Variants in BCORL1 observed in about 807,000 individuals in gnomAD.
BCORL1 encodes BCL6 corepressor like 1, also known as BCL-6 corepressor-like protein 1.
Under a neutral mutation model 87.6 loss-of-function variants are expected in BCORL1, and 7 were observed. The ratio of observed to expected loss-of-function variants is 0.08; its 90% CI spans 0.05 to 0.15. BCORL1 has a LOEUF of 0.15. BCORL1 is among the 10% of genes least tolerant of loss of function. The probability of loss-of-function intolerance (pLI) is 1.00; values close to 1 mark genes in which losing one functional copy is unlikely to be tolerated. For synonymous variants in BCORL1, 591 were observed against 634.4 expected (o/e 0.93, Z 1.03); for missense variants, 1,215 against 1,499.7 (o/e 0.81, Z 3.13).
rs954836348 is a variant in BCORL1 at position 130,014,424 on chromosome X, C to G, written c.1652C>G (p.Thr551Ser). The G allele has an allele frequency of 1.7e-6, 2 of 1,209,501 alleles. No individual in the cohort carries two copies. Among genetic ancestry groups the G allele is most frequent in the East Asian group, 3.0e-5 (1 of 33,733 alleles). Residue 551 changes from threonine to serine, a missense_variant, in exon 4 of 14, where the codon ACC becomes AGC. Thr to Ser is a moderately conservative substitution (Grantham distance 58, BLOSUM62 1). Around this residue, in one of 5 missense-constraint regions of BCORL1, gnomAD observed 861 missense variants for 1,010.0 expected, o/e 0.85. Coordinates refer to ENST00000540052, the MANE Select transcript of BCORL1 (RefSeq NM_001379451.1). ...GGGGTCCCTGGGCCTTTGGCAGATA[C>G]CTCCCTTGTTACTGCTTCTGCCAAG... ...PDGVPGPLAD[T>S]SLVTASAKVL...
intron 9 of BCORL1, 130 bp downstream of exon 9, chrX:130,034,806 T>A (rs1168982609): frequency 3.5e-5 from 13 of 371,981 alleles, no homozygotes; most frequent in Non-Finnish European, 3.9e-5. Context: ...GCCCTGGGGC[T>A]GCCTTGCCCC....
chrX:130,042,664 A>G (rs1931403771), intron 11 of BCORL1, among the ~76,000 whole-genome samples: 1 of 111,831 alleles, frequency 8.9e-6, no homozygotes, highest in South Asian at 3.7e-4. Context: ...TTTACCTAAC[A>G]TAATCATTTT....
In BCORL1 at chrX:130,014,284, T is replaced by C. The variant is rs753776248; in HGVS notation, c.1512T>C (p.Tyr504=). Residue 504 remains tyrosine, a synonymous_variant, in exon 4 of 14, where the codon TAT becomes TAC. Transcript: ENST00000540052. ...LASPELRSYP[Y]AFSVARPLTS... ...CCCCCGAGCTCCGTTCTTACCCGTA[T>C]GCATTTTCTGTGGCCCGGCCTCTGA... 8.3e-7 allele frequency: 1 copy of C among 1,211,401 alleles called. No homozygotes were observed. The highest frequency in any genetic ancestry group is 1.1e-6 in the Non-Finnish European group (1 of 895,448).
At chrX:130,046,910 C>G (rs748192755) in intron 11 of BCORL1, among the ~76,000 whole-genome samples, 1 of 109,293 alleles carries the variant, frequency 9.1e-6, no homozygotes, top group South Asian at 4.1e-4. Context: ...TCCCCATTCC[C>G]CCTTCCTCCC....
Position 130,014,308 on chromosome X carries a change from G to C in BCORL1, c.1536G>C (p.Leu512=), listed in dbSNP as rs1328365152. The C allele has an allele frequency of 8.3e-7, 1 of 1,211,530 alleles. No homozygotes were observed. Among genetic ancestry groups the C allele is most frequent in the Non-Finnish European group, 1.1e-6 (1 of 895,438 alleles). Residue 512 remains leucine (L), a synonymous_variant, in exon 4 of 14, where the codon CTG becomes CTC. Coordinates refer to ENST00000540052, the MANE Select transcript of BCORL1 (RefSeq NM_001379451.1). ...YPYAFSVARP[L]TSDSKLVSLE... ...ATGCATTTTCTGTGGCCCGGCCTCT[G>C]ACTTCGGATTCCAAGCTGGTATCTC...
At chrX:130,047,025 C>T (rs1297411195) in intron 11 of BCORL1, among the ~76,000 whole-genome samples, 1 of 109,464 alleles carries the variant, frequency 9.1e-6, no homozygotes, top group Non-Finnish European at 1.9e-5. Flanking sequence ...TGTCTGGCTT[C>T]TTTCATGTAG....
At chrX:129,987,907 C>T (rs758745054) in intron 1 of BCORL1, among the ~76,000 whole-genome samples, 1 of 111,734 alleles carries the variant, frequency 8.9e-6, no homozygotes, top group Non-Finnish European at 1.9e-5. Flanking sequence ...AAGTGAACAC[C>T]GGAGTGGAAC....
chrX:130,038,254 C>T (rs1467827444), intron 10 of BCORL1, among the ~76,000 whole-genome samples: 1 of 111,902 alleles, frequency 8.9e-6, no homozygotes, highest in Non-Finnish European at 1.9e-5. Context: ...TCTCTAGACA[C>T]TGTAAGAAAA....
At position 130,013,304 on chromosome X, in the gene BCORL1, A is replaced by G. The variant is rs778220343; in HGVS notation, c.532A>G (p.Thr178Ala). ...AGAGAAGAATACTTTCATTTTGGCA[A>G]CTCTGGGAACTGGAGTCCCTGTGGA... ...VGEKNTFILATLGTGVPVEGT... is the reference protein window; with the variant it reads ...VGEKNTFILAALGTGVPVEGT... The change falls in exon 4 of 14, where the codon ACT becomes GCT. Residue 178 changes from threonine to alanine, a missense_variant. This residue lies in a region of BCORL1 where 861 missense variants were observed against 1,010.0 expected (regional missense o/e 0.85). Coordinates refer to ENST00000540052, the MANE Select transcript of BCORL1 (RefSeq NM_001379451.1). 2.2e-5 allele frequency: 27 copies of G among 1,209,900 alleles called. No individual in the cohort carries two copies. Among genetic ancestry groups the G allele is most frequent in the Middle Eastern group, 2.3e-4 (1 of 4,372 alleles).
chrX:130,015,453 C>T lies in BCORL1; in HGVS notation c.2681C>T (p.Ser894Phe), dbSNP rs767888511. 4 of 1,210,984 alleles carry T rather than the reference C, an allele frequency of 3.3e-6. No individual in the cohort carries two copies. Among genetic ancestry groups the T allele is most frequent in the Admixed American group, 4.4e-5 (2 of 45,926 alleles). The change falls in exon 4 of 14, where the codon TCC (serine) becomes TTC (phenylalanine). Residue 894 changes from serine (S) to phenylalanine (F), a missense_variant. By Grantham distance (155) the Ser-to-Phe change is radical. Transcript: ENST00000540052. The stretch of plus-strand genomic sequence containing the variant: ...GAGGGGCAACCACGGCCTGGGGGCT[C>T]CTTCGTTCCAGAGCAGGACCCTGTT... ...LPEGQPRPGG[S>F]FVPEQDPVTK...
At chrX:130,041,756 A>T (rs1931331587) in intron 11 of BCORL1, among the ~76,000 whole-genome samples, 1 of 110,947 alleles carries the variant, frequency 9.0e-6, no homozygotes, top group South Asian at 3.8e-4. Flanking sequence ...CCTCCCAAGG[A>T]GCTGGGACTA....
At chrX:130,006,509 G>A (rs1323276011) in intron 2 of BCORL1, among the ~76,000 whole-genome samples, 3 of 109,075 alleles carry the variant, frequency 2.8e-5, no homozygotes, top group South Asian at 4.0e-4. Context: ...TACAGGTGCC[G>A]CCACCAAGCC....
intron 11 of BCORL1, among the ~76,000 whole-genome samples, chrX:130,047,167 T>C (rs1315066130): frequency 8.9e-6 from 1 of 112,058 alleles, no homozygotes; most frequent in Non-Finnish European, 1.9e-5. Flanking sequence ...CCCTTTTGGC[T>C]GTTCTGAATG....
Position 130,015,265 on chromosome X carries a change from T to A in BCORL1, c.2493T>A (p.Val831=). 1 of 1,212,068 alleles carries A rather than the reference T, an allele frequency of 8.3e-7. No homozygotes were observed. Among genetic ancestry groups the A allele is most frequent in the Non-Finnish European group, 1.1e-6 (1 of 895,619 alleles). The part of the protein sequence containing the change: ...GKPTSTQVLP[V]GWSPYHQASL... ...CTACCAGCACCCAGGTCCTGCCTGT[T>A]GGCTGGTCCCCGTACCACCAGGCGT... Residue 831 remains valine, a synonymous_variant, in exon 4 of 14, where the codon GTT becomes GTA. Coordinates refer to ENST00000540052, the MANE Select transcript of BCORL1 (RefSeq NM_001379451.1).
intron 11 of BCORL1, among the ~76,000 whole-genome samples, chrX:130,047,515 C>T (rs997766719): frequency 1.8e-5 from 2 of 112,207 alleles, no homozygotes; most frequent in Non-Finnish European, 3.8e-5. Flanking sequence ...AAGGCAAATT[C>T]ACCTGCAAAT....
At chrX:130,017,494 G>T (rs1415292428) in intron 4 of BCORL1, among the ~76,000 whole-genome samples, 2 of 111,147 alleles carry the variant, frequency 1.8e-5, no homozygotes, top group African/African-American at 6.6e-5. Flanking sequence ...CCAATCTACA[G>T]GTGAGAAAAT....
chrX:129,984,149 G>A (rs1337392945), intron 1 of BCORL1, among the ~76,000 whole-genome samples: 2 of 9,740 alleles, frequency 2.1e-4, no homozygotes, highest in African/African-American at 9.3e-4. Flanking sequence ...GCGGGGCGGG[G>A]CCGGGGGCGG....
intron 2 of BCORL1, among the ~76,000 whole-genome samples, chrX:130,008,452 G>A (rs112796603): frequency 1.8e-5 from 2 of 110,196 alleles, no homozygotes; most frequent in African/African-American, 6.6e-5. Flanking sequence ...TAGTAGAGAC[G>A]GGTTTTCTCC....
At chrX:130,041,045 T>C (rs1243670362) in intron 11 of BCORL1, among the ~76,000 whole-genome samples, 2 of 107,382 alleles carry the variant, frequency 1.9e-5, no homozygotes, top group South Asian at 4.0e-4. Flanking sequence ...CCCTAAGGAG[T>C]AGGAATGTGG....
Sources: allele counts gnomAD v4.1 joint callset (sites outside exome capture counted in the v4.1 genomes callset), GRCh38; gene constraint gnomAD v4.1.1; regional missense constraint gnomAD v4.1.1; transcripts MANE v1.5; gene names NCBI Gene and HGNC (gene_info 2026-07-23, HGNC 2026-07-21).